FIGNL2: variants seen among roughly 807,000 people sequenced by gnomAD.
FIGNL2 encodes fidgetin like 2.
For missense variants in FIGNL2, 1,060 were observed against 950.2 expected (o/e 1.12, Z -1.52); for synonymous variants, 565 against 484.0 (o/e 1.17, Z -2.20).
chr12:51,831,387 G>A (rs1939463248), intron 1 of FIGNL2, among the ~76,000 whole-genome samples: 1 of 152,138 alleles, frequency 6.6e-6, no homozygotes, highest in Admixed American at 6.6e-5. Flanking sequence ...TGAGCAGGGA[G>A]TGCTGGCACC....
intron 1 of FIGNL2, among the ~76,000 whole-genome samples, chr12:51,823,847 A>G (rs1939276592): frequency 6.6e-6 from 1 of 152,246 alleles, no homozygotes; most frequent in African/African-American, 2.4e-5. Flanking sequence ...AGGATGGGTC[A>G]GTCGGGTGGA....
At chr12:51,846,504 T>C (rs145168503) in intron 1 of FIGNL2, among the ~76,000 whole-genome samples, 1,893 of 152,204 alleles carry the variant, frequency 0.012, 41 homozygotes, top group African/African-American at 0.044. Flanking sequence ...CATAAAAAGC[T>C]GTGGCCATGG....
chr12:51,848,386 C>T lies in FIGNL2; in HGVS notation c.-12+154G>A, dbSNP rs559260763. The stretch of plus-strand genomic sequence containing the variant: ...GTACCCGCTAGGGTCTCTCGCCGGC[C>T]CTGCCCTCCGACCCCCGCCGAGCTG... On this transcript the variant is annotated intron_variant, in intron 1 of 1. Coordinates refer to ENST00000618634, the MANE Select transcript of FIGNL2 (RefSeq NM_001384995.1). 4.2e-3 allele frequency: 4,108 copies of T among 984,020 alleles called. 18 individuals carry two copies. Among genetic ancestry groups the T allele is most frequent in the Middle Eastern group, 6.3e-3 (12 of 1,912 alleles). The allele number at this position is 984,020 out of a possible 1,614,324, so 61.0% of individuals were successfully genotyped here.
intron 1 of FIGNL2, among the ~76,000 whole-genome samples, chr12:51,827,665 T>C (rs534178861): frequency 2.0e-5 from 3 of 152,360 alleles, no homozygotes; most frequent in Non-Finnish European, 4.4e-5. Context: ...CCAACCTTGC[T>C]GAGTGACACT....
At chr12:51,848,230 G>A (rs1024229215) in intron 1 of FIGNL2, 42 of 984,064 alleles carry the variant, frequency 4.3e-5, no homozygotes, top group East Asian at 1.2e-4. Context: ...AGACGCCCCC[G>A]AGCCGGCTGC....
intron 1 of FIGNL2, chr12:51,847,284 C>T: frequency 1.0e-6 from 1 of 985,420 alleles, no homozygotes; most frequent in South Asian, 4.7e-5. Flanking sequence ...GGGCCCAGCC[C>T]ACTCCAGAGA....
chr12:51,828,722 C>G (rs183707071), intron 1 of FIGNL2, among the ~76,000 whole-genome samples: 1 of 152,184 alleles, frequency 6.6e-6, no homozygotes, highest in Non-Finnish European at 1.5e-5. Flanking sequence ...GGTATCCCCC[C>G]AGGCCACCCT....
At position 51,820,800 on chromosome 12, in the gene FIGNL2, G is replaced by A. The variant is rs952648318; in HGVS notation, c.1614C>T (p.Pro538=). The change falls in exon 2 of 2, where the codon CCC becomes CCT. Residue 538 remains proline (P), a synonymous_variant. Coordinates refer to ENST00000618634, the MANE Select transcript of FIGNL2 (RefSeq NM_001384995.1). ...GGCGGGTCGCCTCGTCCAGAGCCGCGGGCCGCGAGGTGGTGCCCACAACCA... is the reference window on the plus strand; with the variant it reads ...GGCGGGTCGCCTCGTCCAGAGCCGCAGGCCGCGAGGTGGTGCCCACAACCA... ...GVLVVGTTSR[P]AALDEATRRR... 8 of 1,474,426 alleles carry A rather than the reference G, an allele frequency of 5.4e-6. No individual in the cohort carries two copies. The African/African-American group carries it at 7.3e-5, about 14-fold the overall frequency. 91.3% of individuals were successfully genotyped at this position (1,474,426 alleles called of 1,614,324 possible).
At chr12:51,847,144 G>A (rs1047849353) in intron 1 of FIGNL2, 2 of 985,424 alleles carry the variant, frequency 2.0e-6, no homozygotes, top group Non-Finnish European at 2.4e-6. Flanking sequence ...GCACAGCGGG[G>A]AATGGCGTCG....
rs1233883554 is a variant in FIGNL2, at chr12:51,819,543, T to TG, written c.*908dup. The stretch of plus-strand genomic sequence containing the variant: ...GGAGAATTTGGTCCCCTGGATGGAG[T>TG]GGGGGGGAGGGGGCAGGTGTGAGGG... On this transcript the variant is annotated 3_prime_UTR_variant, in exon 2 of 2. Coordinates refer to ENST00000618634, the MANE Select transcript of FIGNL2 (RefSeq NM_001384995.1). 6 of 151,022 alleles carry TG rather than the reference T, an allele frequency of 4.0e-5. No individual in the cohort carries two copies. Among genetic ancestry groups the TG allele is most frequent in the African/African-American group, 9.8e-5 (4 of 40,770 alleles). 9.4% of individuals were successfully genotyped at this position (151,022 alleles called of 1,614,324 possible). A position where few individuals can be genotyped will look rare whatever the true frequency, so the allele number is the denominator to read the frequency against.
chr12:51,821,587 C>T lies in FIGNL2; in HGVS notation c.827G>A (p.Gly276Asp). ...KRKAADEGPEGRYRKYAYEPA... is the reference protein window; with the variant it reads ...KRKAADEGPEDRYRKYAYEPA... The stretch of plus-strand genomic sequence containing the variant: ...CTCGTACGCGTACTTGCGGTAGCGG[C>T]CCTCGGGCCCCTCGTCGGCGGCCTT... Residue 276 changes from glycine to aspartate, a missense_variant, in exon 2 of 2, where the codon GGC (glycine) becomes GAC (aspartate). Physicochemically the swap from Gly to Asp is moderately conservative, Grantham distance 94. Coordinates refer to ENST00000618634, the MANE Select transcript of FIGNL2 (RefSeq NM_001384995.1). 1 of 1,511,092 alleles carries T rather than the reference C, an allele frequency of 6.6e-7. No individual in the cohort carries two copies. Among genetic ancestry groups the T allele is most frequent in the Non-Finnish European group, 8.8e-7 (1 of 1,136,104 alleles). 93.6% of individuals were successfully genotyped at this position (1,511,092 alleles called of 1,614,324 possible). A position where few individuals can be genotyped will look rare whatever the true frequency, so the allele number is the denominator to read the frequency against.
At chr12:51,823,801 G>GT (rs1939275795) in intron 1 of FIGNL2, among the ~76,000 whole-genome samples, 1 of 152,246 alleles carries the variant, frequency 6.6e-6, no homozygotes, top group African/African-American at 2.4e-5. Flanking sequence ...CATTCCAAGT[G>GT]TTTTGCTAGG....
chr12:51,824,809 C>A (rs682988), intron 1 of FIGNL2, among the ~76,000 whole-genome samples: 53,683 of 152,096 alleles, frequency 0.35, 10,180 homozygotes, highest in East Asian at 0.49. Flanking sequence ...TTTAGGAGGC[C>A]GAGGCTGGTG....
At chr12:51,840,000 A>T (rs1939634514) in intron 1 of FIGNL2, among the ~76,000 whole-genome samples, 3 of 152,230 alleles carry the variant, frequency 2.0e-5, no homozygotes, top group Non-Finnish European at 1.5e-5. Context: ...ATTACTTTTT[A>T]AAAAGATGAC....
chr12:51,820,337 AT>A lies in FIGNL2; in HGVS notation c.*114del. On this transcript the variant is annotated 3_prime_UTR_variant, in exon 2 of 2. Transcript: ENST00000618634. ...CACCGGCAGACCCCTCCTGTCCCCG[AT>A]CCCACATTCACCACTCCAGCCCCTG... 7.4e-7 allele frequency: 1 copy of A among 1,358,736 alleles called. No homozygotes were observed. The highest frequency in any genetic ancestry group is 1.4e-5 in the South Asian group (1 of 72,398). The allele number at this position is 1,358,736 out of a possible 1,614,324, so 84.2% of individuals were successfully genotyped here. A position where few individuals can be genotyped will look rare whatever the true frequency, so the allele number is the denominator to read the frequency against.
intron 1 of FIGNL2, among the ~76,000 whole-genome samples, chr12:51,843,750 C>T (rs899628909): frequency 6.6e-6 from 1 of 152,102 alleles, no homozygotes; most frequent in African/African-American, 2.4e-5. Context: ...CCCCTGTCTG[C>T]CCTGACTCCA....
chr12:51,841,659 C>T (rs2139000619), intron 1 of FIGNL2: 1 of 152,364 alleles, frequency 6.6e-6, no homozygotes, highest in South Asian at 2.1e-4. Flanking sequence ...CTCATGGGAC[C>T]AGATAAATCC....
intron 1 of FIGNL2, chr12:51,848,300 C>T: frequency 2.5e-5 from 25 of 984,972 alleles, no homozygotes; most frequent in Non-Finnish European, 3.0e-5. Flanking sequence ...CGTCGGCGGC[C>T]GGGCGGCTAT....
intron 1 of FIGNL2, among the ~76,000 whole-genome samples, chr12:51,833,009 A>T (rs1022318629): frequency 6.6e-6 from 1 of 152,128 alleles, no homozygotes; most frequent in African/African-American, 2.4e-5. Context: ...CACCTCAGGG[A>T]TGCTATCACC....
Sources: allele counts gnomAD v4.1 joint callset (sites outside exome capture counted in the v4.1 genomes callset), GRCh38; gene constraint gnomAD v4.1.1; transcripts MANE v1.5; gene names NCBI Gene and HGNC (gene_info 2026-07-23, HGNC 2026-07-21).